Variants in DIS3L2 observed in about 807,000 individuals in gnomAD.
DIS3L2 encodes the protein DIS3-like exonuclease 2.
DIS3L2 carries 34 observed loss-of-function variants against 97.5 expected under a neutral mutation model. The observed-to-expected ratio is 0.35, with a 90% CI of 0.27 to 0.46. The LOEUF (loss-of-function observed/expected upper bound fraction) is 0.46, where lower values mean the gene tolerates loss of function less well. Among genes scored for constraint, DIS3L2 ranks in the 20% least tolerant of loss-of-function variants. DIS3L2 has a pLI of 1.00. For synonymous variants in DIS3L2, 435 were observed against 445.2 expected, an observed-to-expected ratio of 0.98 and a Z score of 0.29; for missense variants, 1,038 against 1,146.0, an observed-to-expected ratio of 0.91 and a Z score of 1.36.
intron 10 of DIS3L2, among the ~76,000 whole-genome samples, chr2:232,222,323 G>C (rs1692528404): frequency 7.4e-6 from 1 of 134,760 alleles, no homozygotes; most frequent in Non-Finnish European, 1.6e-5. Context: ...GCAGATCCCA[G>C]GCAACTCAAG....
chr2:232,162,212 G>GGA (rs1690673587), intron 8 of DIS3L2, among the ~76,000 whole-genome samples: 1 of 151,952 alleles, frequency 6.6e-6, no homozygotes, highest in Non-Finnish European at 1.5e-5. Flanking sequence ...GTGTTTTATG[G>GGA]GAGAGACCAC....
At chr2:232,329,788 C>CCGGGGCG in intron 14 of DIS3L2, 25 bp from the exon 15 acceptor site, 4 of 1,080,634 alleles carry the variant, frequency 3.7e-6, no homozygotes, top group Non-Finnish European at 5.1e-6. Context: ...CCAGCGGTCC[C>CCGGGGCG]TCCCATCCCA....
intron 20 of DIS3L2, 70 bp from the exon 21 acceptor site, chr2:232,336,399 A>G: frequency 6.4e-7 from 1 of 1,556,118 alleles, no homozygotes; most frequent in South Asian, 1.2e-5. Context: ...TGCTGCAGGG[A>G]TGGAGGCAGA....
Position 232,047,829 on chromosome 2 carries a change from G to A in DIS3L2, c.366+17749G>A, listed in dbSNP as rs187515697. 1.8e-4 allele frequency among the ~76,000 whole-genome samples: 27 copies of A among 152,230 alleles called. No individual in the cohort carries two copies. The East Asian group carries it at 4.4e-3, about 25-fold the overall frequency. On this transcript the variant is annotated intron_variant, in intron 5 of 20. Coordinates refer to ENST00000325385, the MANE Select transcript of DIS3L2 (RefSeq NM_152383.5). Reference sequence around the variant, plus strand: ...TAAATAGAATTGTACAATATTTGTCGTTTTGTGTTTGTGTTCCTTCACTTA... The same window carrying A: ...TAAATAGAATTGTACAATATTTGTCATTTTGTGTTTGTGTTCCTTCACTTA...
chr2:232,136,598 A>G lies in DIS3L2; in HGVS notation c.829A>G (p.Arg277Gly), dbSNP rs1252903119. 3.7e-6 allele frequency: 6 copies of G among 1,613,864 alleles called. No homozygotes were observed. Among genetic ancestry groups the G allele is most frequent in the South Asian group, 1.1e-5 (1 of 91,056 alleles). ...TTCTCCCTCAGACCACCGAGTGCCT[A>G]GAATTTATGTGCCTCTCAAGGACTG... Reference protein sequence around the residue: ...LFSPSDHRVPRIYVPLKDCPQ... With the variant: ...LFSPSDHRVPGIYVPLKDCPQ... The change falls in exon 8 of 21, where the codon AGA (arginine) becomes GGA (glycine). Residue 277 changes from arginine to glycine, a missense_variant. This residue lies in a region of DIS3L2 where 813 missense variants were observed against 880.1 expected (regional missense o/e 0.92). Coordinates refer to ENST00000325385, the MANE Select transcript of DIS3L2 (RefSeq NM_152383.5).
intron 13 of DIS3L2, among the ~76,000 whole-genome samples, chr2:232,271,050 A>G (rs750279499): frequency 2.6e-5 from 4 of 152,302 alleles, no homozygotes; most frequent in Non-Finnish European, 4.4e-5. Context: ...AAAGAGCTCA[A>G]TGTGTCACAG....
chr2:232,249,491 G>C, intron 12 of DIS3L2, 145 bp downstream of exon 12: 1 of 907,884 alleles, frequency 1.1e-6, no homozygotes, highest in Non-Finnish European at 1.7e-6. Flanking sequence ...AGAAATGTCA[G>C]AGTCCCTGCC....
At chr2:232,083,496 C>CTTTTT (rs759630455) in intron 5 of DIS3L2, among the ~76,000 whole-genome samples, 1 of 138,694 alleles carries the variant, frequency 7.2e-6, no homozygotes, top group Admixed American at 7.3e-5. Flanking sequence ...TCTTCTTCTT[C>CTTTTT]TTTTTTTTTT....
rs1456255906 is a variant in DIS3L2 at position 232,269,028 on chromosome 2, G to C, written c.1659+5588G>C. Among the ~76,000 whole-genome samples, 1 of 152,146 alleles carries C rather than the reference G, an allele frequency of 6.6e-6. No homozygotes were observed. Among genetic ancestry groups the C allele is most frequent in the Non-Finnish European group, 1.5e-5 (1 of 68,026 alleles). ...ATTAGCCTGAAGCAAAAGGAGCAGG[G>C]GTTCTCATTTCCCACTTCTGCAAGC... On this transcript the variant is annotated intron_variant, in intron 13 of 20. Coordinates refer to ENST00000325385, the MANE Select transcript of DIS3L2 (RefSeq NM_152383.5). This position sits in a 1 kb window ranked among gnomAD's most constrained non-coding sequence, Gnocchi z 4.5.
At chr2:232,157,658 A>G (rs1447754165) in intron 8 of DIS3L2, among the ~76,000 whole-genome samples, 1 of 152,194 alleles carries the variant, frequency 6.6e-6, no homozygotes, top group East Asian at 1.9e-4. Context: ...CCCATCCTAA[A>G]AGAGCTCACT....
At chr2:232,026,459 A>G (rs1051202791) in intron 4 of DIS3L2, among the ~76,000 whole-genome samples, 1 of 151,976 alleles carries the variant, frequency 6.6e-6, no homozygotes, top group Non-Finnish European at 1.5e-5. Flanking sequence ...TTCATGCCCA[A>G]ACGTGGGCAT....
At chr2:232,342,150 CACATAT>C (rs1295127612), downstream of DIS3L2, among the ~76,000 whole-genome samples, 216 of 151,874 alleles carry the variant, frequency 1.4e-3, 1 homozygote, top group East Asian at 0.012. Context: ...TACATATATA[CACATAT>C]ACATATACAC....
chr2:232,333,764 T>TAA, intron 16 of DIS3L2, 76 bp from the exon 17 acceptor site: 19 of 1,444,504 alleles, frequency 1.3e-5, no homozygotes, highest in Admixed American at 7.0e-5. Flanking sequence ...ACGGTGAGGC[T>TAA]GTGGGTGGTG....
At chr2:232,098,351 T>C (rs1179722782) in intron 6 of DIS3L2, among the ~76,000 whole-genome samples, 1 of 139,512 alleles carries the variant, frequency 7.2e-6, no homozygotes, top group Non-Finnish European at 1.6e-5. Flanking sequence ...TATCGAGGTT[T>C]CTAATTTTTT....
downstream of DIS3L2, chr2:232,340,986 A>G (rs1696090900): frequency 2.1e-6 from 1 of 466,712 alleles, no homozygotes; most frequent in African/African-American, 2.0e-5. Flanking sequence ...GAGGTGAGAA[A>G]GCCATCGTGA....
At chr2:232,000,879 T>G (rs1693880404) in intron 1 of DIS3L2, among the ~76,000 whole-genome samples, 1 of 151,420 alleles carries the variant, frequency 6.6e-6, no homozygotes, top group Non-Finnish European at 1.5e-5. Context: ...CTTTTTTTTT[T>G]GTTTGTTTGT....
chr2:232,203,141 CT>C (rs1313634711), intron 9 of DIS3L2, among the ~76,000 whole-genome samples: 7 of 152,224 alleles, frequency 4.6e-5, no homozygotes, highest in Non-Finnish European at 1.0e-4. Context: ...GTGATGCCAT[CT>C]AATCTAAGAA....
chr2:232,258,988 G>A (rs562281432), intron 12 of DIS3L2, among the ~76,000 whole-genome samples: 1 of 152,252 alleles, frequency 6.6e-6, no homozygotes, highest in East Asian at 1.9e-4. Context: ...CATGTCAGGT[G>A]TGACTCCCAG....
chr2:232,142,750 C>T (rs1690099363), intron 8 of DIS3L2, among the ~76,000 whole-genome samples: 1 of 152,226 alleles, frequency 6.6e-6, no homozygotes, highest in Non-Finnish European at 1.5e-5. Context: ...TAACTCGTTC[C>T]CTCTCCTGAT....
Sources: gnomAD v4.1 joint callset for allele counts (sites outside exome capture counted in the v4.1 genomes callset) on GRCh38, gnomAD v4.1.1 for gene constraint, gnomAD v4.1.1 regional missense constraint, Gnocchi (gnomAD v3.1) non-coding constraint, MANE v1.5 for transcripts, NCBI Gene and HGNC (gene_info 2026-07-23, HGNC 2026-07-21) for gene names.